Variants in WNK1 observed in about 807,000 individuals in gnomAD.
The protein encoded by WNK1 is WNK lysine deficient protein kinase 1.
Under a neutral mutation model 222.8 loss-of-function variants are expected in WNK1, and 38 were observed. The observed-to-expected ratio is 0.17, with a 90% confidence interval of 0.13 to 0.22. The LOEUF is 0.22. Among genes scored for constraint, WNK1 ranks in the 10% least tolerant of loss-of-function variants. The probability of loss-of-function intolerance (pLI) is 1.00; values close to 1 mark genes in which losing one functional copy is unlikely to be tolerated. For missense variants in WNK1, 2,348 were observed against 2,918.4 expected (o/e 0.80, Z 4.50); for synonymous variants, 1,090 against 1,092.9 (o/e 1.00, Z 0.05).
intron 1 of WNK1, among the ~76,000 whole-genome samples, chr12:787,709 C>A (rs909996901): frequency 3.9e-4 from 59 of 152,084 alleles, no homozygotes; most frequent in African/African-American, 1.3e-3. Context: ...GTTGTAAAGA[C>A]CATCTGTCTT....
At chr12:870,856 T>G (rs1307000175) in intron 8 of WNK1, among the ~76,000 whole-genome samples, 1 of 152,222 alleles carries the variant, frequency 6.6e-6, no homozygotes, top group Non-Finnish European at 1.5e-5. Context: ...CTACAAGAAG[T>G]ATTACCAAAT....
intron 4 of WNK1, among the ~76,000 whole-genome samples, chr12:833,877 T>TA: frequency 6.6e-6 from 1 of 152,314 alleles, no homozygotes; most frequent in African/African-American, 2.4e-5. Context: ...CAGAGCTTGA[T>TA]ACTAAGTAAA....
In WNK1 at chr12:753,352, C is replaced by T. The variant is rs1204723682; in HGVS notation, c.-214C>T. The T allele has an allele frequency of 1.6e-5, 10 of 621,776 alleles. No homozygotes were observed. The South Asian group carries it at 1.8e-4, about 11-fold the overall frequency. 38.5% of individuals were successfully genotyped at this position (621,776 alleles called of 1,614,324 possible). On this transcript the variant is annotated 5_prime_UTR_variant, in exon 1 of 28. Coordinates refer to ENST00000315939, the MANE Select transcript of WNK1 (RefSeq NM_018979.4). This position sits in a 1 kb window ranked among gnomAD's most constrained non-coding sequence, Gnocchi z 5.2. ...CCGCCTTCGAGCCCTCCTCGTGAGCCGCAGCAGCCTCGGTGCCAGCCCCCG... is the reference window on the plus strand; with the variant it reads ...CCGCCTTCGAGCCCTCCTCGTGAGCTGCAGCAGCCTCGGTGCCAGCCCCCG...
rs1955847665 is a variant in WNK1 at position 908,025 on chromosome 12, G to T, written c.6822G>T (p.Met2274Ile). Residue 2274 changes from methionine (M) to isoleucine (I), a missense_variant, in exon 27 of 28, where the codon ATG becomes ATT. Coordinates refer to ENST00000315939, the MANE Select transcript of WNK1 (RefSeq NM_018979.4). Reference sequence around the variant, plus strand: ...GCAGGAGAGGAAGCAAAGGGCACATGAATTACGAGGTAAGTCTCTCTTTTG... The same window carrying T: ...GCAGGAGAGGAAGCAAAGGGCACATTAATTACGAGGTAAGTCTCTCTTTTG... ...LSGRRGSKGH[M>I]NYEGPGMARK... The T allele has an allele frequency of 6.2e-7, 1 of 1,614,076 alleles. No homozygotes were observed. The highest frequency in any genetic ancestry group is 1.3e-5 in the African/African-American group (1 of 75,028).
intron 1 of WNK1, among the ~76,000 whole-genome samples, chr12:809,727 C>A (rs10849560): frequency 0.51 from 77,100 of 151,904 alleles, 20,051 homozygotes; most frequent in East Asian, 0.81. Context: ...CTTTGAATTG[C>A]TGTTATACCA....
At position 837,740 on chromosome 12, in the gene WNK1, TACAA is replaced by T. The variant is rs549937287; in HGVS notation, c.1311+7582_1311+7585del. On this transcript the variant is annotated intron_variant, in intron 4 of 27. Coordinates refer to ENST00000315939, the MANE Select transcript of WNK1 (RefSeq NM_018979.4). Reference sequence around the variant, plus strand: ...AGTCCACACAGACTCAAATTAGAAGTACAAAGTCCTTCTCGGGCCATATTTAGTT... The same window carrying T: ...AGTCCACACAGACTCAAATTAGAAGTAGTCCTTCTCGGGCCATATTTAGTT... Among the ~76,000 whole-genome samples, 134 of 152,230 alleles carry T rather than the reference TACAA, an allele frequency of 8.8e-4. No homozygotes were observed. The Middle Eastern group carries it at 0.01, about 12-fold the overall frequency.
chr12:882,170 A>AATAAAG, intron 14 of WNK1, 97 bp downstream of exon 14: 2 of 1,347,564 alleles, frequency 1.5e-6, no homozygotes, highest in Non-Finnish European at 1.0e-6. Context: ...CACTTCATAA[A>AATAAAG]ATAAAGATAA....
At chr12:807,874 T>C (rs574564464) in intron 1 of WNK1, among the ~76,000 whole-genome samples, 4 of 151,768 alleles carry the variant, frequency 2.6e-5, no homozygotes, top group Admixed American at 6.6e-5. Flanking sequence ...CGCGCGCCAC[T>C]ACGCCTGGCT....
chr12:860,948 G>T, intron 6 of WNK1, 65 bp from the exon 7 acceptor site: 5 of 1,436,458 alleles, frequency 3.5e-6, no homozygotes, highest in Non-Finnish European at 3.8e-6. Context: ...TTGGCGGGGG[G>T]TGGTGGTGGG....
chr12:785,220 G>A (rs1027910152), intron 1 of WNK1, among the ~76,000 whole-genome samples: 17 of 152,062 alleles, frequency 1.1e-4, no homozygotes, highest in Middle Eastern at 3.4e-3. Flanking sequence ...GCCTTGGTAT[G>A]GGTCTCTTTT....
At chr12:907,583 GA>G in intron 26 of WNK1, 1 of 525,568 alleles carries the variant, frequency 1.9e-6, no homozygotes, top group Non-Finnish European at 3.4e-6. Context: ...TGAATGGACT[GA>G]AAGAGGCCCC....
In WNK1 at chr12:896,481, G is replaced by C; in HGVS notation, c.5994G>C (p.Lys1998Asn). ...VLPAVIPKKE[K>N]PELSEPSHLN... ...CTGCTGTGATACCAAAGAAAGAGAA[G>C]CCTGAACTGTCAGAGCCTTCACATC... Residue 1998 changes from lysine to asparagine, a missense_variant, in exon 24 of 28, where the codon AAG becomes AAC. Coordinates refer to ENST00000315939, the MANE Select transcript of WNK1 (RefSeq NM_018979.4). 1 of 1,613,864 alleles carries C rather than the reference G, an allele frequency of 6.2e-7. No homozygotes were observed. The highest frequency in any genetic ancestry group is 1.1e-5 in the South Asian group (1 of 91,046).
In WNK1 at chr12:758,462, A is replaced by T. The variant is rs1470079897; in HGVS notation, c.759+4138A>T. ...GACTGCAGTGGCGCAATCTCGGCTCACTGCAAGCTCCACTTCCTGGGTTCA... is the reference window on the plus strand; with the variant it reads ...GACTGCAGTGGCGCAATCTCGGCTCTCTGCAAGCTCCACTTCCTGGGTTCA... On this transcript the variant is annotated intron_variant, in intron 1 of 27. Transcript: ENST00000315939. 2.5e-5 allele frequency among the ~76,000 whole-genome samples: 3 copies of T among 118,186 alleles called. No individual in the cohort carries two copies. In the East Asian group the frequency reaches 7.9e-4, roughly 31 times the overall value. The allele number at this position is 118,186 out of a possible 152,430, so 77.5% of individuals were successfully genotyped here.
At chr12:816,362 TG>T (rs1184931161) in intron 2 of WNK1, among the ~76,000 whole-genome samples, 1 of 152,120 alleles carries the variant, frequency 6.6e-6, no homozygotes, top group Non-Finnish European at 1.5e-5. Context: ...CTCAAACTCC[TG>T]GGCTCAGGGA....
intron 2 of WNK1, among the ~76,000 whole-genome samples, chr12:826,543 A>G (rs74058218): frequency 6.5e-4 from 99 of 152,328 alleles, no homozygotes; most frequent in Middle Eastern, 3.4e-3. Flanking sequence ...CCTTCAAGTA[A>G]TAGTTGTTTT....
intron 1 of WNK1, among the ~76,000 whole-genome samples, chr12:774,744 C>G (rs993740084): frequency 3.3e-5 from 5 of 152,114 alleles, no homozygotes; most frequent in Admixed American, 3.3e-4. Context: ...TTTATCAATA[C>G]TGTTAAATAT....
At chr12:865,433 T>A in intron 8 of WNK1, 1 of 1,475,342 alleles carries the variant, frequency 6.8e-7, no homozygotes, top group Non-Finnish European at 9.0e-7. Flanking sequence ...AACAAGAATT[T>A]TAATTAAAAT....
At chr12:838,580 AT>A (rs1949381738) in intron 4 of WNK1, among the ~76,000 whole-genome samples, 1 of 151,766 alleles carries the variant, frequency 6.6e-6, no homozygotes, top group African/African-American at 2.4e-5. Flanking sequence ...ATGCTGGCTA[AT>A]TTTTTTGTAT....
At chr12:755,056 C>G (rs1203521722) in intron 1 of WNK1, among the ~76,000 whole-genome samples, 1 of 152,096 alleles carries the variant, frequency 6.6e-6, no homozygotes, top group Non-Finnish European at 1.5e-5. Flanking sequence ...TGAACTTTCC[C>G]AAGAGTCCGA....
Sources: gnomAD v4.1 joint callset for allele counts (sites outside exome capture counted in the v4.1 genomes callset) on GRCh38, gnomAD v4.1.1 for gene constraint, Gnocchi (gnomAD v3.1) non-coding constraint, MANE v1.5 for transcripts, NCBI Gene and HGNC (gene_info 2026-07-23, HGNC 2026-07-21) for gene names.